MDGA2: variants seen among roughly 807,000 people sequenced by gnomAD.
MDGA2 encodes MAM domain containing glycosylphosphatidylinositol anchor 2, also known as MAM domain-containing glycosylphosphatidylinositol anchor protein 2.
MDGA2 carries 40 observed loss-of-function variants against 117.8 expected under a neutral mutation model. The ratio of observed to expected loss-of-function variants is 0.34; its 90% CI spans 0.26 to 0.44. The LOEUF is 0.44. MDGA2 is among the 20% of genes least tolerant of loss of function. The probability of loss-of-function intolerance (pLI) is 1.00; values close to 1 mark genes in which losing one functional copy is unlikely to be tolerated. For synonymous variants in MDGA2, 452 were observed against 439.0 expected (o/e 1.03, Z -0.37); for missense variants, 1,123 against 1,250.6 (o/e 0.90, Z 1.54).
At chr14:46,930,827 C>T (rs1884541971) in intron 9 of MDGA2, among the ~76,000 whole-genome samples, 1 of 152,104 alleles carries the variant, frequency 6.6e-6, no homozygotes, top group Admixed American at 6.5e-5. Flanking sequence ...AAATTATAAG[C>T]TCCAGATGGC....
chr14:46,988,932 A>G (rs1886971700), intron 8 of MDGA2, among the ~76,000 whole-genome samples: 1 of 151,508 alleles, frequency 6.6e-6, no homozygotes, highest in Non-Finnish European at 1.5e-5. Context: ...TGTGCAAAGT[A>G]CAGTTTCTGG....
intron 1 of MDGA2, among the ~76,000 whole-genome samples, chr14:47,512,797 T>C (rs1377764735): frequency 1.3e-5 from 2 of 152,030 alleles, no homozygotes; most frequent in African/African-American, 4.8e-5. Context: ...GATGAAAGAA[T>C]GGGAAGAAAA....
At chr14:47,208,171 G>A (rs868145718) in intron 3 of MDGA2, among the ~76,000 whole-genome samples, 3 of 151,830 alleles carry the variant, frequency 2.0e-5, no homozygotes, top group African/African-American at 4.8e-5. Flanking sequence ...CTGAGAATCC[G>A]TCCACCTTAT....
intron 5 of MDGA2, among the ~76,000 whole-genome samples, chr14:47,119,182 C>CACG (rs1211489236): frequency 1.4e-5 from 1 of 70,722 alleles, no homozygotes. Context: ...CCGCCCCCCC[C>CACG]CCCCCACCCC....
intron 5 of MDGA2, among the ~76,000 whole-genome samples, chr14:47,105,990 C>G (rs987749273): frequency 6.6e-6 from 1 of 151,332 alleles, no homozygotes; most frequent in Non-Finnish European, 1.5e-5. Flanking sequence ...TAGCCCTCCC[C>G]CTCCTGCCCA....
intron 8 of MDGA2, among the ~76,000 whole-genome samples, chr14:47,020,975 G>A (rs1888265626): frequency 6.6e-6 from 1 of 152,070 alleles, no homozygotes; most frequent in Non-Finnish European, 1.5e-5. Context: ...AATGGCTTTT[G>A]AGAGAGAAAT....
intron 6 of MDGA2, among the ~76,000 whole-genome samples, chr14:47,063,955 G>C (rs964041646): frequency 6.6e-6 from 1 of 151,696 alleles, no homozygotes; most frequent in African/African-American, 2.4e-5. Flanking sequence ...GATATTGAGA[G>C]AACTGCAATC....
At chr14:47,572,474 C>A (rs1162088458) in intron 1 of MDGA2, among the ~76,000 whole-genome samples, 1 of 152,118 alleles carries the variant, frequency 6.6e-6, no homozygotes, top group Non-Finnish European at 1.5e-5. Context: ...TAATTTTAAA[C>A]AAATTCTGAC....
intron 7 of MDGA2, among the ~76,000 whole-genome samples, chr14:47,039,167 G>A (rs1213851881): frequency 6.6e-6 from 1 of 152,038 alleles, no homozygotes; most frequent in Non-Finnish European, 1.5e-5. Flanking sequence ...ATAGACTTCT[G>A]TTTTACGTGT....
intron 1 of MDGA2, among the ~76,000 whole-genome samples, chr14:47,363,567 T>G (rs1407739659): frequency 6.6e-6 from 1 of 152,158 alleles, no homozygotes; most frequent in Non-Finnish European, 1.5e-5. Context: ...CTGTATCAAA[T>G]TTATATACAC....
rs534223245 is a variant in MDGA2 at position 47,408,566 on chromosome 14, G to A, written c.281-107016C>T. ...AGAAAGGACTCTAAGCGCTAAGGGC[G>A]GCCATCAGCCGGAAATCAGCAAGGA... On this transcript the variant is annotated intron_variant, in intron 1 of 16. Coordinates refer to ENST00000399232, the MANE Select transcript of MDGA2 (RefSeq NM_001113498.3). 5.1e-4 allele frequency among the ~76,000 whole-genome samples: 78 copies of A among 152,218 alleles called. 1 individual carries two copies. The highest frequency in any genetic ancestry group is 1.9e-3 in the African/African-American group (77 of 41,550).
intron 2 of MDGA2, among the ~76,000 whole-genome samples, chr14:47,290,248 A>G (rs931077975): frequency 1.3e-5 from 2 of 152,096 alleles, no homozygotes; most frequent in African/African-American, 2.4e-5. Flanking sequence ...ACAAGGGTAG[A>G]GACCTCATGA....
At chr14:47,232,164 C>G (rs1469301598) in intron 2 of MDGA2, among the ~76,000 whole-genome samples, 1 of 152,064 alleles carries the variant, frequency 6.6e-6, no homozygotes, top group Admixed American at 6.6e-5. Context: ...ATGAAGAATT[C>G]AGAACCAGAT....
chr14:47,456,409 C>T (rs1401924983), intron 1 of MDGA2, among the ~76,000 whole-genome samples: 1 of 151,614 alleles, frequency 6.6e-6, no homozygotes, highest in Non-Finnish European at 1.5e-5. Flanking sequence ...TCTCCTGCCT[C>T]AGCCTCCTAA....
intron 1 of MDGA2, among the ~76,000 whole-genome samples, chr14:47,321,390 T>G (rs564435689): frequency 6.6e-6 from 1 of 152,352 alleles, no homozygotes; most frequent in African/African-American, 2.4e-5. Context: ...GCAGATTTTA[T>G]CAAATGAAAT....
chr14:47,068,347 TAAC>T (rs1555349008), intron 6 of MDGA2, among the ~76,000 whole-genome samples: 2 of 151,054 alleles, frequency 1.3e-5, no homozygotes, highest in Non-Finnish European at 2.9e-5. Context: ...ACTAAAATAA[TAAC>T]ATAATTATTA....
intron 2 of MDGA2, among the ~76,000 whole-genome samples, chr14:47,241,756 G>A (rs1421809133): frequency 6.6e-6 from 1 of 151,668 alleles, no homozygotes; most frequent in African/African-American, 2.4e-5. Context: ...CATATTTTAT[G>A]ATTTTTCCAC....
intron 8 of MDGA2, among the ~76,000 whole-genome samples, chr14:46,980,551 T>C (rs1886632698): frequency 6.6e-6 from 1 of 152,200 alleles, no homozygotes; most frequent in Non-Finnish European, 1.5e-5. Context: ...AGTTTTACTG[T>C]GGGCAAAATG....
chr14:47,068,432 ATT>A (rs1021112947), intron 6 of MDGA2, among the ~76,000 whole-genome samples: 3 of 149,314 alleles, frequency 2.0e-5, no homozygotes, highest in African/African-American at 7.4e-5. Context: ...ATATATATAT[ATT>A]GCTGATAAAT....
Sources: gnomAD v4.1 joint callset for allele counts (sites outside exome capture counted in the v4.1 genomes callset) on GRCh38, gnomAD v4.1.1 for gene constraint, MANE v1.5 for transcripts, NCBI Gene and HGNC (gene_info 2026-07-23, HGNC 2026-07-21) for gene names.